PIEZO2: variants seen among roughly 807,000 people sequenced by gnomAD.
The protein encoded by PIEZO2 is piezo-type mechanosensitive ion channel component 2.
A neutral mutation model predicts 337.3 loss-of-function variants in PIEZO2; 172 were observed. That is an observed-to-expected ratio of 0.51 (90% confidence interval 0.45 to 0.58). The LOEUF (loss-of-function observed/expected upper bound fraction) is 0.58. PIEZO2 is among the 20% of genes least tolerant of loss of function. The pLI is 0.00. For missense variants in PIEZO2, 3,028 were observed against 3,391.3 expected (o/e 0.89, Z 2.66); for synonymous variants, 1,251 against 1,228.5 (o/e 1.02, Z -0.38).
chr18:10,972,583 C>T (rs986057773), intron 3 of PIEZO2, among the ~76,000 whole-genome samples: 4 of 152,114 alleles, frequency 2.6e-5, no homozygotes, highest in Non-Finnish European at 5.9e-5. Context: ...TGCCATTTAG[C>T]CCATTTATTT....
chr18:10,772,772 A>C (rs2038649131), intron 20 of PIEZO2, among the ~76,000 whole-genome samples: 1 of 152,216 alleles, frequency 6.6e-6, no homozygotes, highest in Admixed American at 6.5e-5. Flanking sequence ...CTGATCACTG[A>C]GGCTGCTCAA....
rs1405861176 is a variant in PIEZO2, at chr18:11,077,242, A to G, written c.65-11020T>C. Among the ~76,000 whole-genome samples the G allele has an allele frequency of 6.6e-6, 1 of 152,230 alleles. No individual in the cohort carries two copies. The highest frequency in any genetic ancestry group is 2.4e-5 in the African/African-American group (1 of 41,456). On this transcript the variant is annotated intron_variant, in intron 1 of 55. Coordinates refer to ENST00000674853, the MANE Select transcript of PIEZO2 (RefSeq NM_001378183.1). The surrounding 1 kb of genome is among the most constrained non-coding windows in gnomAD (Gnocchi z 4.8). ...CCAACTGGGAGCTAAGAAAAGGTCAAATATTAAAACTGCTTATTAGCCTGC... is the reference window on the plus strand; with the variant it reads ...CCAACTGGGAGCTAAGAAAAGGTCAGATATTAAAACTGCTTATTAGCCTGC...
At position 11,101,635 on chromosome 18, in the gene PIEZO2, A is replaced by C. The variant is rs1263792354; in HGVS notation, c.65-35413T>G. On this transcript the variant is annotated intron_variant, in intron 1 of 55. Transcript: ENST00000674853. The surrounding 1 kb of genome is among the most constrained non-coding windows in gnomAD (Gnocchi z 4.4). Reference sequence around the variant, plus strand: ...TTCCCCCATGACATTCTATTTCTCAAACCTGTCAATTTGAAAAACCGATGA... The same window carrying C: ...TTCCCCCATGACATTCTATTTCTCACACCTGTCAATTTGAAAAACCGATGA... Among the ~76,000 whole-genome samples, 1 of 152,222 alleles carries C rather than the reference A, an allele frequency of 6.6e-6. No homozygotes were observed. Among genetic ancestry groups the C allele is most frequent in the African/African-American group, 2.4e-5 (1 of 41,458 alleles).
At chr18:10,890,940 G>A (rs2042736356) in intron 4 of PIEZO2, among the ~76,000 whole-genome samples, 1 of 152,026 alleles carries the variant, frequency 6.6e-6, no homozygotes, top group African/African-American at 2.4e-5. Flanking sequence ...ATAGAACAAA[G>A]GAAATAAAAA....
At position 10,815,546 on chromosome 18, in the gene PIEZO2, G is replaced by A. The variant is rs2040336731; in HGVS notation, c.918-8272C>T. ...CCTTGAAAATATCCTATATACAATTGTTTTGGATTGTAAGCTACAGGGTCA... is the reference window on the plus strand; with the variant it reads ...CCTTGAAAATATCCTATATACAATTATTTTGGATTGTAAGCTACAGGGTCA... On this transcript the variant is annotated intron_variant, in intron 7 of 55. Transcript: ENST00000674853. This position sits in a 1 kb window ranked among gnomAD's most constrained non-coding sequence, Gnocchi z 4.1. 6.6e-6 allele frequency among the ~76,000 whole-genome samples: 1 copy of A among 152,166 alleles called. No individual in the cohort carries two copies. Among genetic ancestry groups the A allele is most frequent in the African/African-American group, 2.4e-5 (1 of 41,442 alleles).
At chr18:10,817,011 G>A (rs2040384904) in intron 7 of PIEZO2, among the ~76,000 whole-genome samples, 1 of 152,152 alleles carries the variant, frequency 6.6e-6, no homozygotes, top group Admixed American at 6.5e-5. Flanking sequence ...GTCCCTCAGA[G>A]CTTCTTCCAT....
intron 3 of PIEZO2, among the ~76,000 whole-genome samples, chr18:10,947,044 T>G (rs546523559): frequency 2.6e-5 from 4 of 151,938 alleles, no homozygotes; most frequent in African/African-American, 9.7e-5. Context: ...AAGTGGAATT[T>G]ATGAAATAAA....
chr18:10,777,385 A>T (rs1350226668), intron 18 of PIEZO2, among the ~76,000 whole-genome samples: 2 of 152,162 alleles, frequency 1.3e-5, no homozygotes, highest in Non-Finnish European at 2.9e-5. Context: ...TATTCTAAGT[A>T]TGGGTTCTGG....
At position 10,724,431 on chromosome 18, in the gene PIEZO2, G is replaced by A. The variant is rs1413701352; in HGVS notation, c.5030-6172C>T. Among the ~76,000 whole-genome samples, 2 of 152,308 alleles carry A rather than the reference G, an allele frequency of 1.3e-5. No homozygotes were observed. Among genetic ancestry groups the A allele is most frequent in the Admixed American group, 6.5e-5 (1 of 15,308 alleles). ...TTGGGTGAAGTCTGCTGGAGGCAAT[G>A]CATGCTGCAGCCAATCAGACCCCTG... is the stretch of plus-strand genomic sequence containing the variant. On this transcript the variant is annotated intron_variant, in intron 36 of 55. Coordinates refer to ENST00000674853, the MANE Select transcript of PIEZO2 (RefSeq NM_001378183.1). The surrounding 1 kb of genome is among the most constrained non-coding windows in gnomAD (Gnocchi z 5.8).
Position 10,766,436 on chromosome 18 carries a change from C to T in PIEZO2, c.2947-3338G>A, listed in dbSNP as rs138705424. On this transcript the variant is annotated intron_variant, in intron 21 of 55. Coordinates refer to ENST00000674853, the MANE Select transcript of PIEZO2 (RefSeq NM_001378183.1). This position sits in a 1 kb window ranked among gnomAD's most constrained non-coding sequence, Gnocchi z 6.1. The stretch of plus-strand genomic sequence containing the variant: ...AGATGCTGGTCCACGTACATAACAA[C>T]TGTCCAGGTGATTCTTACTATCAAG... Among the ~76,000 whole-genome samples, 251 of 152,340 alleles carry T rather than the reference C, an allele frequency of 1.6e-3. 1 individual carries two copies. The highest frequency in any genetic ancestry group is 5.7e-3 in the African/African-American group (239 of 41,574).
intron 13 of PIEZO2, 112 bp from the exon 14 acceptor site, chr18:10,791,436 T>C (rs945068023): frequency 1.2e-5 from 15 of 1,206,670 alleles, no homozygotes; most frequent in African/African-American, 4.7e-5. Flanking sequence ...TAAATAAACC[T>C]TTTTATTGGA....
chr18:10,912,101 A>G (rs1222916778), intron 3 of PIEZO2, among the ~76,000 whole-genome samples: 1 of 152,112 alleles, frequency 6.6e-6, no homozygotes, highest in Non-Finnish European at 1.5e-5. Context: ...GAACACAAAA[A>G]TGCTATTCCA....
chr18:10,970,977 C>T (rs552172834), intron 3 of PIEZO2, among the ~76,000 whole-genome samples: 12 of 152,244 alleles, frequency 7.9e-5, no homozygotes, highest in East Asian at 3.9e-4. Context: ...ATCCACAATA[C>T]GGCAATTTCC....
In PIEZO2 at chr18:10,869,438, C is replaced by T. The variant is rs139783684; in HGVS notation, c.492+1815G>A. Among the ~76,000 whole-genome samples, 337 of 152,208 alleles carry T rather than the reference C, an allele frequency of 2.2e-3. 1 individual carries two copies. Among genetic ancestry groups the T allele is most frequent in the African/African-American group, 7.4e-3 (306 of 41,546 alleles). On this transcript the variant is annotated intron_variant, in intron 5 of 55. Coordinates refer to ENST00000674853, the MANE Select transcript of PIEZO2 (RefSeq NM_001378183.1). ...CTATGTAACAAACCTGCACTTTCTG[C>T]GCATGAATCCCAGAACTTAAGTTAA...
intron 11 of PIEZO2, among the ~76,000 whole-genome samples, chr18:10,800,034 C>G (rs548502331): frequency 6.6e-6 from 1 of 151,326 alleles, no homozygotes; most frequent in South Asian, 2.1e-4. Flanking sequence ...ATTACAATAT[C>G]AACTAAAAGA....
Position 10,677,652 on chromosome 18 carries a change from G to T in PIEZO2, c.8081+95C>A. ...TAACTTTGTGTTACCAAAGAATGAA[G>T]TTGCATTCCTCATACACATGAATCT... is the stretch of plus-strand genomic sequence containing the variant. On this transcript the variant is annotated intron_variant, in intron 53 of 55. Coordinates refer to ENST00000674853, the MANE Select transcript of PIEZO2 (RefSeq NM_001378183.1). This position sits in a 1 kb window ranked among gnomAD's most constrained non-coding sequence, Gnocchi z 4.1. 7.2e-7 allele frequency: 1 copy of T among 1,395,516 alleles called. No individual in the cohort carries two copies. The highest frequency in any genetic ancestry group is 9.8e-7 in the Non-Finnish European group (1 of 1,016,878). The allele number at this position is 1,395,516 out of a possible 1,614,324, so 86.4% of individuals were successfully genotyped here.
chr18:10,858,329 A>ACCCC lies in PIEZO2; in HGVS notation c.493-1119_493-1118insGGGG, dbSNP rs1431734405. ...AGAGCGAGACTTCAACCCAAAAAAA[A>ACCCC]AAAAAAAAAAAAAAAAAAGAAAAGA... is the stretch of plus-strand genomic sequence containing the variant. On this transcript the variant is annotated intron_variant, in intron 5 of 55. Transcript: ENST00000674853. 7.9e-3 allele frequency among the ~76,000 whole-genome samples: 1,068 copies of ACCCC among 135,936 alleles called. 18 individuals carry two copies. The highest frequency in any genetic ancestry group is 0.03 in the African/African-American group (1,020 of 34,028). 89.2% of individuals were successfully genotyped at this position (135,936 alleles called of 152,430 possible).
At chr18:10,808,605 A>C (rs945372929) in intron 7 of PIEZO2, among the ~76,000 whole-genome samples, 3 of 152,218 alleles carry the variant, frequency 2.0e-5, no homozygotes, top group African/African-American at 7.2e-5. Flanking sequence ...TTTTATCAGA[A>C]ATAAATAAGT....
At chr18:10,704,857 T>TG (rs924232674) in intron 41 of PIEZO2, among the ~76,000 whole-genome samples, 1 of 151,954 alleles carries the variant, frequency 6.6e-6, no homozygotes, top group Non-Finnish European at 1.5e-5. Flanking sequence ...GCTAATTTTT[T>TG]TGTGTGTATT....
Sources: allele counts gnomAD v4.1 joint callset (sites outside exome capture counted in the v4.1 genomes callset), GRCh38; gene constraint gnomAD v4.1.1; non-coding constraint Gnocchi (gnomAD v3.1); transcripts MANE v1.5; gene names NCBI Gene and HGNC (gene_info 2026-07-23, HGNC 2026-07-21).